The following BEST3 variants were observed in gnomAD, a reference collection of about 807,000 sequenced individuals.
BEST3 encodes the protein bestrophin 3, also known as bestrophin-3.
A neutral mutation model predicts 47.1 loss-of-function variants in BEST3; 50 were observed. That is an observed-to-expected ratio of 1.06 (90% CI 0.85 to 1.34). The LOEUF is 1.34. Ranked by LOEUF, BEST3 falls within the 40% of genes most tolerant of loss-of-function variation. The pLI is 0.00. For synonymous variants in BEST3, 282 were observed against 298.8 expected (o/e 0.94, Z 0.58); for missense variants, 765 against 817.0 (o/e 0.94, Z 0.78).
intron 4 of BEST3, among the ~76,000 whole-genome samples, chr12:69,690,525 C>G (rs1334132406): frequency 6.6e-6 from 1 of 152,216 alleles, no homozygotes; most frequent in Non-Finnish European, 1.5e-5. Context: ...CCATTGCCAG[C>G]CAACCTGGCT....
At chr12:69,664,440 C>T (rs1884061758) in intron 9 of BEST3, among the ~76,000 whole-genome samples, 1 of 152,148 alleles carries the variant, frequency 6.6e-6, no homozygotes, top group Non-Finnish European at 1.5e-5. Context: ...CCCCCGCCAC[C>T]CGGGGCCAGT....
chr12:69,696,340 G>A (rs1016481088), intron 2 of BEST3, among the ~76,000 whole-genome samples: 2 of 152,112 alleles, frequency 1.3e-5, no homozygotes, highest in African/African-American at 4.8e-5. Context: ...AACATTTCTA[G>A]CTACATTGCA....
At chr12:69,646,903 T>C (rs1020416585) in intron 9 of BEST3, among the ~76,000 whole-genome samples, 28 of 151,802 alleles carry the variant, frequency 1.8e-4, no homozygotes, top group African/African-American at 6.7e-4. Flanking sequence ...GAATTGAAGA[T>C]GCCGCCACTT....
At chr12:69,689,779 G>A (rs1405318393) in intron 4 of BEST3, among the ~76,000 whole-genome samples, 1 of 152,062 alleles carries the variant, frequency 6.6e-6, no homozygotes, top group Non-Finnish European at 1.5e-5. Flanking sequence ...CAAGCAGGTG[G>A]AATTCAGATC....
rs74951420 is a variant in BEST3, at chr12:69,647,910, G to C, written c.1101-4123C>G. ...GAACTCCTGAAAATCAACAAGAAAA[G>C]TACAGAAACTCCATTAGATAAAAAA... On this transcript the variant is annotated intron_variant, in intron 9 of 9. Coordinates refer to the BEST3 transcript ENST00000331471. Among the ~76,000 whole-genome samples, 255 of 152,226 alleles carry C rather than the reference G, an allele frequency of 1.7e-3. 2 individuals carry two copies. Among genetic ancestry groups the C allele is most frequent in the African/African-American group, 5.8e-3 (240 of 41,512 alleles).
At chr12:69,646,495 C>T (rs964577745) in intron 9 of BEST3, among the ~76,000 whole-genome samples, 2 of 151,686 alleles carry the variant, frequency 1.3e-5, no homozygotes, top group African/African-American at 2.4e-5. Flanking sequence ...CCTGGAGATG[C>T]ACTGGTTGAA....
rs145579657 is a variant in BEST3, at chr12:69,690,419, T to G, written c.481+3255A>C. Among the ~76,000 whole-genome samples, 344 of 152,336 alleles carry G rather than the reference T, an allele frequency of 2.3e-3. 2 individuals carry two copies. Among genetic ancestry groups the G allele is most frequent in the African/African-American group, 7.9e-3 (328 of 41,572 alleles). On this transcript the variant is annotated intron_variant, in intron 4 of 9. Coordinates refer to ENST00000330891, the MANE Select transcript of BEST3 (RefSeq NM_032735.3). ...ACTCAAAGGAAATGAAATCACGTCA[T>G]TTTCCTATTTGCCTCCCTATATCTA...
intron 8 of BEST3, among the ~76,000 whole-genome samples, chr12:69,672,465 G>A (rs562116769): frequency 5.9e-5 from 9 of 152,332 alleles, no homozygotes; most frequent in Admixed American, 2.0e-4. Flanking sequence ...GTGTCCAGCT[G>A]GTGGCTATCT....
chr12:69,666,318 C>T (rs190776223), intron 9 of BEST3, among the ~76,000 whole-genome samples: 232 of 152,242 alleles, frequency 1.5e-3, no homozygotes, highest in African/African-American at 5.0e-3. Context: ...ATGTCTGGCC[C>T]GGTTTGAATT....
intron 4 of BEST3, chr12:69,683,620 G>A (rs1483740029): frequency 6.6e-6 from 1 of 152,204 alleles, no homozygotes; most frequent in Non-Finnish European, 1.5e-5. Flanking sequence ...CCCACTTTGA[G>A]TCATCTCTGG....
chr12:69,665,402 G>A (rs1884132218), intron 9 of BEST3, among the ~76,000 whole-genome samples: 1 of 152,178 alleles, frequency 6.6e-6, no homozygotes, highest in African/African-American at 2.4e-5. Flanking sequence ...AGACCAGCCT[G>A]GCCAACATGG....
chr12:69,653,499 T>A, downstream of BEST3: 3 of 466,900 alleles, frequency 6.4e-6, no homozygotes, highest in Non-Finnish European at 8.4e-6. Context: ...TTTAGGCAAA[T>A]ACCTTACTTC....
intron 4 of BEST3, among the ~76,000 whole-genome samples, chr12:69,686,459 C>T (rs1281816615): frequency 6.6e-6 from 1 of 151,954 alleles, no homozygotes; most frequent in Non-Finnish European, 1.5e-5. Flanking sequence ...CTCAAGAAAA[C>T]AGGACCTTCA....
At chr12:69,681,914 C>A (rs1486941952) in intron 4 of BEST3, among the ~76,000 whole-genome samples, 1 of 152,010 alleles carries the variant, frequency 6.6e-6, no homozygotes, top group African/African-American at 2.4e-5. Flanking sequence ...AACCCAGTCT[C>A]TACTAAAATT....
chr12:69,650,398 A>G (rs11177769), downstream of BEST3, among the ~76,000 whole-genome samples: 65,859 of 152,152 alleles, frequency 0.43, 15,799 homozygotes, highest in Middle Eastern at 0.59. Flanking sequence ...ACAAAAAAGC[A>G]TGCAAAAGTA....
intron 9 of BEST3, among the ~76,000 whole-genome samples, chr12:69,657,888 C>T (rs1883608967): frequency 6.6e-6 from 1 of 152,202 alleles, no homozygotes; most frequent in South Asian, 2.1e-4. Context: ...ACCAGATAGC[C>T]TTCTGACCCA....
At chr12:69,683,507 G>A (rs566156612) in intron 4 of BEST3, 1 of 152,320 alleles carries the variant, frequency 6.6e-6, no homozygotes, top group Admixed American at 6.5e-5. Flanking sequence ...TCCATTCACT[G>A]AGATAAATGC....
At chr12:69,684,763 T>G (rs1427964198) in intron 4 of BEST3, among the ~76,000 whole-genome samples, 1 of 152,198 alleles carries the variant, frequency 6.6e-6, no homozygotes. Flanking sequence ...GTCCTTTCCA[T>G]TCAATGGAAG....
chr12:69,686,779 C>CAAAAAAAAAAAAA (rs71094728), intron 4 of BEST3, among the ~76,000 whole-genome samples: 6 of 99,378 alleles, frequency 6.0e-5, no homozygotes, highest in African/African-American at 2.4e-4. Flanking sequence ...CTCAAAAAAA[C>CAAAAAAAAAAAAA]AAAAAAAAAA....
Sources: allele counts gnomAD v4.1 joint callset (sites outside exome capture counted in the v4.1 genomes callset), GRCh38; gene constraint gnomAD v4.1.1; transcripts MANE v1.5; gene names NCBI Gene and HGNC (gene_info 2026-07-23, HGNC 2026-07-21).